The following DGLUCY variants were observed in gnomAD, a reference collection of about 807,000 sequenced individuals.
The protein encoded by DGLUCY is D-glutamate cyclase, mitochondrial.
In DGLUCY, 58 loss-of-function variants were observed where a neutral mutation model predicts 58.5. That is an observed-to-expected ratio of 0.99 (90% CI 0.80 to 1.23). The LOEUF is 1.23. Ranked by LOEUF, DGLUCY falls within the 50% of genes most tolerant of loss-of-function variation. The pLI, the probability that DGLUCY is intolerant of heterozygous loss-of-function variation, is 0.00. For missense variants in DGLUCY, 779 were observed against 784.7 expected, an observed-to-expected ratio of 0.99 and a Z score of 0.09; for synonymous variants, 325 against 314.1, an observed-to-expected ratio of 1.03 and a Z score of -0.37.
chr14:91,061,175 G>T (rs2043667473), intron 1 of DGLUCY, among the ~76,000 whole-genome samples: 1 of 152,150 alleles, frequency 6.6e-6, no homozygotes, highest in African/African-American at 2.4e-5. Flanking sequence ...TCCCGGCAGC[G>T]ATCCATGCGT....
At position 91,083,425 on chromosome 14, in the gene DGLUCY, G is replaced by A. The variant is rs372500692; in HGVS notation, c.-82+22721G>A. Among the ~76,000 whole-genome samples the A allele has an allele frequency of 3.2e-4, 49 of 152,054 alleles. 2 individuals carry two copies. In the South Asian group the frequency reaches 1.0e-2, roughly 31 times the overall value. Reference sequence around the variant, plus strand: ...TAATCCCAGCTACTTGGGAGGCTGAGGTGGGAGAATTGCTGGAACCTGGGA... The same window carrying A: ...TAATCCCAGCTACTTGGGAGGCTGAAGTGGGAGAATTGCTGGAACCTGGGA... On this transcript the variant is annotated intron_variant, in intron 1 of 4. Coordinates refer to the DGLUCY transcript ENST00000521334.
intron 1 of DGLUCY, among the ~76,000 whole-genome samples, chr14:91,132,692 G>A (rs1595716188): frequency 6.6e-6 from 1 of 151,208 alleles, no homozygotes; most frequent in Non-Finnish European, 1.5e-5. Context: ...TGTCCAGGGT[G>A]GTCTCGAACT....
At chr14:91,212,501 T>C (rs191520238) in intron 12 of DGLUCY, among the ~76,000 whole-genome samples, 160 of 152,306 alleles carry the variant, frequency 1.1e-3, no homozygotes, top group African/African-American at 3.8e-3. Flanking sequence ...CCACATGTTG[T>C]AAATATTCAA....
chr14:91,190,311 C>T (rs1343802991), intron 9 of DGLUCY, among the ~76,000 whole-genome samples: 1 of 151,848 alleles, frequency 6.6e-6, no homozygotes, highest in Non-Finnish European at 1.5e-5. Flanking sequence ...GAGATCCACC[C>T]GTGAGCAAAA....
chr14:91,106,299 C>T (rs1408853655), upstream of DGLUCY, among the ~76,000 whole-genome samples: 1 of 150,898 alleles, frequency 6.6e-6, no homozygotes, highest in Admixed American at 6.6e-5. Context: ...AAGAGAGAAA[C>T]TCCATTCCCT....
chr14:91,100,864 A>T (rs2140082490), intron 1 of DGLUCY, among the ~76,000 whole-genome samples: 3 of 152,288 alleles, frequency 2.0e-5, no homozygotes, highest in African/African-American at 7.2e-5. Context: ...TGAGCCCAGG[A>T]GTTCAAGACC....
intron 1 of DGLUCY, among the ~76,000 whole-genome samples, chr14:91,088,283 A>G (rs1301404873): frequency 6.6e-6 from 1 of 152,196 alleles, no homozygotes; most frequent in South Asian, 2.1e-4. Flanking sequence ...GATATAAAGC[A>G]TCATGTTTTG....
At chr14:91,131,385 C>CTTTTTTTTTTTTTTTTTTTTT (rs57926089) in intron 1 of DGLUCY, among the ~76,000 whole-genome samples, 3 of 151,140 alleles carry the variant, frequency 2.0e-5, no homozygotes, top group Admixed American at 6.6e-5. Flanking sequence ...GAGATATTCT[C>CTTTTTTTTTTTTTTTTTTTTT]TTTTTTTTTT....
chr14:91,167,038 C>T (rs1321701378), intron 3 of DGLUCY, among the ~76,000 whole-genome samples, 187 bp from the exon 4 acceptor site: 1 of 151,716 alleles, frequency 6.6e-6, no homozygotes, highest in African/African-American at 2.4e-5. Flanking sequence ...ACTCGGGGGG[C>T]TGAGGCAGGA....
In DGLUCY at chr14:91,205,750, C is replaced by T. The variant is rs529100125; in HGVS notation, c.1564+925C>T. On this transcript the variant is annotated intron_variant, in intron 12 of 13. Transcript: ENST00000256324. The stretch of plus-strand genomic sequence containing the variant: ...TGAGTCATTTTCAAGTAGGCCAGGG[C>T]ATTCTCTTCTTCTTCTTCTTCTTCT... 2.0e-3 allele frequency among the ~76,000 whole-genome samples: 265 copies of T among 134,852 alleles called. 2 individuals carry two copies. The highest frequency in any genetic ancestry group is 0.011 in the South Asian group (44 of 4,022). 88.5% of individuals were successfully genotyped at this position (134,852 alleles called of 152,430 possible).
chr14:91,181,591 G>T (rs11621210), intron 8 of DGLUCY, among the ~76,000 whole-genome samples: 68,494 of 151,946 alleles, frequency 0.45, 18,790 homozygotes, highest in East Asian at 0.77. Context: ...TCTCTAGGTA[G>T]TGGTATTGTG....
chr14:91,150,680 C>T (rs924771033), intron 1 of DGLUCY, among the ~76,000 whole-genome samples: 2 of 152,116 alleles, frequency 1.3e-5, no homozygotes, highest in African/African-American at 4.8e-5. Context: ...ACCGCCTCAG[C>T]GTCCCAAAGT....
chr14:91,085,865 G>GA, intron 1 of DGLUCY, among the ~76,000 whole-genome samples: 1 of 152,256 alleles, frequency 6.6e-6, no homozygotes, highest in Admixed American at 6.5e-5. Flanking sequence ...CACCATGCCT[G>GA]GCCCTGCTCA....
At chr14:91,218,380 C>T (rs1430003153) in intron 13 of DGLUCY, among the ~76,000 whole-genome samples, 4 of 149,726 alleles carry the variant, frequency 2.7e-5, no homozygotes, top group Admixed American at 6.9e-5. Flanking sequence ...AATGTACCAC[C>T]CTTATAAAGA....
intron 1 of DGLUCY, among the ~76,000 whole-genome samples, chr14:91,094,814 A>ACT (rs960700582): frequency 1.1e-4 from 16 of 149,428 alleles, no homozygotes; most frequent in East Asian, 2.0e-4. Context: ...CAAGAGCAAA[A>ACT]CTCTCTCTCA....
intron 5 of DGLUCY, among the ~76,000 whole-genome samples, chr14:91,171,949 T>C (rs578018314): frequency 6.6e-6 from 1 of 152,346 alleles, no homozygotes; most frequent in African/African-American, 2.4e-5. Context: ...CAGAGGCTGT[T>C]TACCTTTGGT....
upstream of DGLUCY, among the ~76,000 whole-genome samples, chr14:91,106,279 C>G (rs2044587375): frequency 6.6e-6 from 1 of 151,716 alleles, no homozygotes. Context: ...TGCACTGCAG[C>G]CTGGGCAACA....
At position 91,074,116 on chromosome 14, in the gene DGLUCY, TATACACACACACACACAC is replaced by T. The variant is rs1343734880; in HGVS notation, c.-82+13414_-82+13431del. On this transcript the variant is annotated intron_variant, in intron 1 of 4. Transcript: ENST00000521334. Reference sequence around the variant, plus strand: ...ACCAAAAAAAAAAAATATATATATATATACACACACACACACACACACACACACACACACACACACACA... The same window carrying T: ...ACCAAAAAAAAAAAATATATATATATACACACACACACACACACACACACA... Among the ~76,000 whole-genome samples, 8 of 77,492 alleles carry T rather than the reference TATACACACACACACACAC, an allele frequency of 1.0e-4. No homozygotes were observed. The East Asian group carries it at 1.3e-3, about 13-fold the overall frequency. The allele number at this position is 77,492 out of a possible 152,430, so 50.8% of individuals were successfully genotyped here.
chr14:91,065,416 G>A (rs979154217), intron 1 of DGLUCY, among the ~76,000 whole-genome samples: 7 of 152,314 alleles, frequency 4.6e-5, no homozygotes, highest in South Asian at 2.1e-4. Flanking sequence ...TAGCCTGGAA[G>A]AATAGGATGG....
Sources: gnomAD v4.1 joint callset for allele counts (sites outside exome capture counted in the v4.1 genomes callset) on GRCh38, gnomAD v4.1.1 for gene constraint, MANE v1.5 for transcripts, NCBI Gene and HGNC (gene_info 2026-07-23, HGNC 2026-07-21) for gene names.